The following HDAC9 variants were observed in gnomAD, a reference collection of about 807,000 sequenced individuals.
HDAC9 encodes histone deacetylase 9, also known as MEF-2 interacting transcription repressor (MITR) protein.
HDAC9 carries 41 observed loss-of-function variants against 139.4 expected under a neutral mutation model. The observed-to-expected ratio is 0.29, with a 90% CI of 0.23 to 0.38. The LOEUF (loss-of-function observed/expected upper bound fraction) is 0.38. HDAC9 is among the 10% of genes least tolerant of loss of function. HDAC9 has a pLI of 1.00. For missense variants in HDAC9, 1,147 were observed against 1,297.0 expected, an observed-to-expected ratio of 0.88 and a Z score of 1.78; for synonymous variants, 517 against 476.2, an observed-to-expected ratio of 1.09 and a Z score of -1.12.
At chr7:18,386,160 A>G (rs1482545235) in intron 1 of HDAC9, among the ~76,000 whole-genome samples, 1 of 152,046 alleles carries the variant, frequency 6.6e-6, no homozygotes, top group East Asian at 1.9e-4. Flanking sequence ...CCGATCCCCA[A>G]CTCTGAACTC....
At chr7:18,573,762 G>A (rs1226213641) in intron 2 of HDAC9, among the ~76,000 whole-genome samples, 1 of 152,200 alleles carries the variant, frequency 6.6e-6, no homozygotes, top group Non-Finnish European at 1.5e-5. Context: ...TCTGCTATGG[G>A]CATCCGTGTC....
chr7:18,496,788 A>G (rs562209411), intron 2 of HDAC9: 1 of 153,510 alleles, frequency 6.5e-6, no homozygotes, highest in African/African-American at 2.4e-5. Flanking sequence ...ACCTTCTAAA[A>G]TGTGTTTGCC....
At chr7:18,859,131 T>A (rs1716557398) in intron 21 of HDAC9, among the ~76,000 whole-genome samples, 1 of 152,136 alleles carries the variant, frequency 6.6e-6, no homozygotes, top group Admixed American at 6.6e-5. Flanking sequence ...TCTTACTGTC[T>A]ATAATTGGGA....
intron 1 of HDAC9, among the ~76,000 whole-genome samples, chr7:18,090,765 T>A (rs1782092096): frequency 6.6e-6 from 1 of 152,168 alleles, no homozygotes; most frequent in African/African-American, 2.4e-5. Context: ...TTGGCCGAAC[T>A]TACAGGTATC....
intron 2 of HDAC9, among the ~76,000 whole-genome samples, chr7:18,530,948 C>T (rs556246146): frequency 9.1e-4 from 138 of 151,852 alleles, no homozygotes; most frequent in African/African-American, 2.2e-3. Flanking sequence ...AGCTTCAGCC[C>T]GACTCGTTTC....
intron 1 of HDAC9, among the ~76,000 whole-genome samples, chr7:18,118,855 A>G (rs1471850877): frequency 1.3e-5 from 2 of 152,206 alleles, no homozygotes; most frequent in Non-Finnish European, 2.9e-5. Flanking sequence ...CTTTAAGAGA[A>G]TATTGGCCAA....
At chr7:18,586,925 A>T (rs1000146519) in intron 3 of HDAC9, among the ~76,000 whole-genome samples, 1 of 152,132 alleles carries the variant, frequency 6.6e-6, no homozygotes, top group Non-Finnish European at 1.5e-5. Flanking sequence ...CTTTGAAACA[A>T]TAATAGAAAC....
chr7:18,682,028 A>G (rs1245855295), intron 12 of HDAC9, among the ~76,000 whole-genome samples: 1 of 152,100 alleles, frequency 6.6e-6, no homozygotes, highest in Non-Finnish European at 1.5e-5. Context: ...TAAATTTAGA[A>G]TAAAAGGTTA....
chr7:18,273,032 C>CTCTTCCCCT (rs1176418446), intron 2 of HDAC9, among the ~76,000 whole-genome samples: 11 of 136,154 alleles, frequency 8.1e-5, no homozygotes, highest in African/African-American at 3.0e-4. Flanking sequence ...CCTCCTCTTC[C>CTCTTCCCCT]TCTTCCCCTT....
rs534600389 is a variant in HDAC9 at position 18,213,123 on chromosome 7, T to C, written c.25+50774T>C. Among the ~76,000 whole-genome samples, 11 of 152,320 alleles carry C rather than the reference T, an allele frequency of 7.2e-5. No individual in the cohort carries two copies. In the South Asian group the frequency reaches 2.3e-3, roughly 32 times the overall value. ...TCCAATTAGAGACCCAGTAAAATGT[T>C]AATTTATTTTAATAAATTTTCCCTC... On this transcript the variant is annotated intron_variant, in intron 2 of 12. Coordinates refer to the HDAC9 transcript ENST00000417496.
intron 2 of HDAC9, among the ~76,000 whole-genome samples, chr7:18,528,356 A>G (rs1056285004): frequency 1.3e-5 from 2 of 152,086 alleles, no homozygotes; most frequent in Non-Finnish European, 2.9e-5. Flanking sequence ...AGCATATTAG[A>G]ACAAATAACA....
chr7:18,918,362 C>A (rs1163949689), intron 22 of HDAC9, among the ~76,000 whole-genome samples: 1 of 151,676 alleles, frequency 6.6e-6, no homozygotes, highest in Non-Finnish European at 1.5e-5. Context: ...AGGGGGAAAT[C>A]CAAGAATGTG....
At chr7:18,669,667 A>C (rs1795544801) in intron 12 of HDAC9, among the ~76,000 whole-genome samples, 1 of 151,880 alleles carries the variant, frequency 6.6e-6, no homozygotes, top group Non-Finnish European at 1.5e-5. Context: ...AGAGATCCTA[A>C]AGTATGAGTT....
intron 1 of HDAC9, among the ~76,000 whole-genome samples, chr7:18,357,091 T>G (rs1562912145): frequency 6.6e-6 from 1 of 152,174 alleles, no homozygotes; most frequent in Non-Finnish European, 1.5e-5. Flanking sequence ...TAAAAATACC[T>G]GGAAATTTAT....
At chr7:18,284,502 G>T (rs1382192263) in intron 2 of HDAC9, among the ~76,000 whole-genome samples, 2 of 152,086 alleles carry the variant, frequency 1.3e-5, no homozygotes, top group African/African-American at 2.4e-5. Context: ...AGAAAAGTGT[G>T]TTTGAAGACT....
In HDAC9 at chr7:18,223,720, T is replaced by C. The variant is rs555583529; in HGVS notation, c.25+61371T>C. Among the ~76,000 whole-genome samples, 8 of 152,244 alleles carry C rather than the reference T, an allele frequency of 5.3e-5. No individual in the cohort carries two copies. In the South Asian group the frequency reaches 1.7e-3, roughly 32 times the overall value. On this transcript the variant is annotated intron_variant, in intron 2 of 12. Coordinates refer to the HDAC9 transcript ENST00000417496. The stretch of plus-strand genomic sequence containing the variant: ...TCATTTTATACTGTTTATTTATATA[T>C]GCACATGTGTCTACATGTTTCCTAT...
At chr7:18,908,283 T>C (rs1802449882) in intron 22 of HDAC9, among the ~76,000 whole-genome samples, 1 of 152,128 alleles carries the variant, frequency 6.6e-6, no homozygotes, top group Non-Finnish European at 1.5e-5. Context: ...GGTTATATGG[T>C]ACAGAGTAAT....
intron 1 of HDAC9, among the ~76,000 whole-genome samples, chr7:18,403,438 G>A (rs982914488): frequency 3.9e-5 from 6 of 151,982 alleles, no homozygotes; most frequent in East Asian, 3.9e-4. Flanking sequence ...TCATAAAATC[G>A]AAACACGCTG....
intron 13 of HDAC9, among the ~76,000 whole-genome samples, chr7:18,733,125 G>GTATATATATACACATGTATACACA (rs1786501430): frequency 7.1e-6 from 1 of 141,392 alleles, no homozygotes; most frequent in Non-Finnish European, 1.5e-5. Context: ...GTGTATACAT[G>GTATATATATACACATGTATACACA]TATATATATA....
Sources: gnomAD v4.1 joint callset for allele counts (sites outside exome capture counted in the v4.1 genomes callset) on GRCh38, gnomAD v4.1.1 for gene constraint, MANE v1.5 for transcripts, NCBI Gene and HGNC (gene_info 2026-07-23, HGNC 2026-07-21) for gene names.